Variants in TBC1D5 observed in about 807,000 individuals in gnomAD.
TBC1D5 encodes the protein TBC1 domain family member 5, also known as TBC1 domain family, member 5.
A neutral mutation model predicts 100.3 loss-of-function variants in TBC1D5; 75 were observed. The ratio of observed to expected loss-of-function variants is 0.75; its 90% confidence interval spans 0.62 to 0.91. The LOEUF is 0.91. TBC1D5 is among the 40% of genes least tolerant of loss of function. The pLI, the probability that TBC1D5 is intolerant of heterozygous loss-of-function variation, is 0.00. For synonymous variants in TBC1D5, 323 were observed against 325.6 expected, an observed-to-expected ratio of 0.99 and a Z score of 0.09; for missense variants, 910 against 942.4, an observed-to-expected ratio of 0.97 and a Z score of 0.45.
intron 18 of TBC1D5, among the ~76,000 whole-genome samples, chr3:17,187,078 A>G (rs2069219474): frequency 6.6e-6 from 1 of 152,120 alleles, no homozygotes; most frequent in Non-Finnish European, 1.5e-5. Flanking sequence ...TTATCACAGG[A>G]AACTGTAGGA....
At chr3:17,654,001 T>G (rs771381920) in intron 1 of TBC1D5, among the ~76,000 whole-genome samples, 25 of 152,164 alleles carry the variant, frequency 1.6e-4, no homozygotes, top group Non-Finnish European at 2.6e-4. Flanking sequence ...AGATATGCAT[T>G]CTTTTTGGGG....
At position 17,458,552 on chromosome 3, in the gene TBC1D5, G is replaced by A. The variant is rs540321982; in HGVS notation, c.98-30033C>T. 3.9e-5 allele frequency among the ~76,000 whole-genome samples: 6 copies of A among 152,164 alleles called. 1 individual carries two copies. The South Asian group carries it at 8.3e-4, about 21-fold the overall frequency. On this transcript the variant is annotated intron_variant, in intron 3 of 21. Transcript: ENST00000253692. Reference sequence around the variant, plus strand: ...TACACTTGGCTTCTATCAATGTAACGATCATCTTAGTTGATCTCTTTCTAG... The same window carrying A: ...TACACTTGGCTTCTATCAATGTAACAATCATCTTAGTTGATCTCTTTCTAG...
At chr3:17,176,978 G>A (rs1018731318) in intron 19 of TBC1D5, among the ~76,000 whole-genome samples, 2 of 152,296 alleles carry the variant, frequency 1.3e-5, no homozygotes, top group African/African-American at 2.4e-5. Flanking sequence ...GCCACTGGGG[G>A]CCACTGTGGT....
intron 2 of TBC1D5, among the ~76,000 whole-genome samples, chr3:17,526,189 A>C (rs1272033593): frequency 1.3e-5 from 2 of 152,192 alleles, no homozygotes; most frequent in African/African-American, 4.8e-5. Flanking sequence ...TTTCTATAAA[A>C]GAAAACTTCC....
chr3:17,208,459 A>T (rs2072529147), intron 18 of TBC1D5, among the ~76,000 whole-genome samples: 2 of 152,274 alleles, frequency 1.3e-5, no homozygotes, highest in South Asian at 2.1e-4. Flanking sequence ...AATCCGATTA[A>T]GTGCCCAGAA....
chr3:17,374,317 T>C (rs2092608614), intron 12 of TBC1D5, among the ~76,000 whole-genome samples, 154 bp downstream of exon 12: 4 of 152,120 alleles, frequency 2.6e-5, no homozygotes. Flanking sequence ...AGAAATATAC[T>C]TAGATCCCCA....
At chr3:17,572,579 A>G (rs1015098046) in intron 2 of TBC1D5, among the ~76,000 whole-genome samples, 14 of 152,004 alleles carry the variant, frequency 9.2e-5, no homozygotes, top group Non-Finnish European at 1.6e-4. Context: ...AGTACCTTTC[A>G]CTGATACTCT....
At chr3:17,732,630 C>A (rs1328119417) in intron 1 of TBC1D5, among the ~76,000 whole-genome samples, 1 of 151,158 alleles carries the variant, frequency 6.6e-6, no homozygotes, top group African/African-American at 2.4e-5. Flanking sequence ...TCCCAGCTAC[C>A]CAGGAGGCTG....
intron 2 of TBC1D5, among the ~76,000 whole-genome samples, chr3:17,575,009 CAT>C (rs2096649067): frequency 6.6e-6 from 1 of 152,028 alleles, no homozygotes; most frequent in African/African-American, 2.4e-5. Flanking sequence ...CCATATTTCT[CAT>C]ATTTAATATA....
chr3:17,193,349 AGCATATCCC>A (rs1347659341), intron 18 of TBC1D5, among the ~76,000 whole-genome samples: 2 of 152,216 alleles, frequency 1.3e-5, no homozygotes, highest in African/African-American at 4.8e-5. Flanking sequence ...CTTGACTTAT[AGCATATCCC>A]TAGAATTGAC....
rs546605607 is a variant in TBC1D5, at chr3:17,578,098, G to A, written c.-36+45751C>T. Among the ~76,000 whole-genome samples, 6 of 152,068 alleles carry A rather than the reference G, an allele frequency of 3.9e-5. No individual in the cohort carries two copies. In the South Asian group the frequency reaches 1.2e-3, roughly 32 times the overall value. The stretch of plus-strand genomic sequence containing the variant: ...AATGTAGGAAACACTCTTGGATATG[G>A]CAAAGTCACTCTTTTTTTACATTTG... On this transcript the variant is annotated intron_variant, in intron 2 of 21. Coordinates refer to ENST00000253692, the Ensembl canonical transcript of TBC1D5.
chr3:17,738,406 C>T (rs1202023057), intron 1 of TBC1D5, among the ~76,000 whole-genome samples: 1 of 151,966 alleles, frequency 6.6e-6, no homozygotes, highest in African/African-American at 2.4e-5. Flanking sequence ...CACACACTCT[C>T]TCTCTCTCTC....
At position 17,260,617 on chromosome 3, in the gene TBC1D5, A is replaced by C. The variant is rs574204806; in HGVS notation, c.1246-2026T>G. ...TTTGAAATGTGAAGAAAATAAAATC[A>C]GAGGTTATGGTTGAAAGTTATTCTT... On this transcript the variant is annotated intron_variant, in intron 15 of 21. Coordinates refer to ENST00000253692, the Ensembl canonical transcript of TBC1D5. 2.0e-5 allele frequency among the ~76,000 whole-genome samples: 3 copies of C among 152,330 alleles called. No individual in the cohort carries two copies. In the East Asian group the frequency reaches 5.8e-4, roughly 29 times the overall value.
exon 22 of TBC1D5, chr3:17,160,459 T>C (rs1559321281): frequency 1.3e-5 from 2 of 154,926 alleles, no homozygotes; most frequent in Admixed American, 1.3e-4. Context: ...GGCTTCCCAA[T>C]GCAGGAATAA....
chr3:17,595,986 C>T (rs2060538010), intron 2 of TBC1D5, among the ~76,000 whole-genome samples: 1 of 152,164 alleles, frequency 6.6e-6, no homozygotes, highest in African/African-American at 2.4e-5. Flanking sequence ...GGAGTGCCAG[C>T]TGAGGAAAGA....
chr3:17,697,377 T>C (rs983907475), intron 1 of TBC1D5, among the ~76,000 whole-genome samples: 6 of 152,306 alleles, frequency 3.9e-5, no homozygotes, highest in East Asian at 1.9e-4. Context: ...GCCCAAAATC[T>C]CCTTAAGCTG....
At chr3:17,650,483 A>G (rs2065439380) in intron 1 of TBC1D5, among the ~76,000 whole-genome samples, 1 of 152,172 alleles carries the variant, frequency 6.6e-6, no homozygotes, top group Non-Finnish European at 1.5e-5. Context: ...CAACAATAAT[A>G]TAACAAAGTA....
At chr3:17,211,773 T>G (rs1048361192) in intron 18 of TBC1D5, among the ~76,000 whole-genome samples, 4 of 152,240 alleles carry the variant, frequency 2.6e-5, no homozygotes, top group Admixed American at 2.0e-4. Flanking sequence ...TTTATCTAAC[T>G]GCCCTTGTTG....
intron 8 of TBC1D5, among the ~76,000 whole-genome samples, chr3:17,389,420 A>C (rs2152306371): frequency 6.6e-6 from 1 of 152,222 alleles, no homozygotes; most frequent in African/African-American, 2.4e-5. Context: ...CCAGTTTCTC[A>C]AAAAATAAAC....
Sources: allele counts gnomAD v4.1 joint callset (sites outside exome capture counted in the v4.1 genomes callset), GRCh38; gene constraint gnomAD v4.1.1; transcripts MANE v1.5; gene names NCBI Gene and HGNC (gene_info 2026-07-23, HGNC 2026-07-21).